PRICKLE1: variants seen among roughly 807,000 people sequenced by gnomAD.
PRICKLE1 encodes the protein prickle planar cell polarity protein 1, also known as prickle-like protein 1.
Under a neutral mutation model 70.2 loss-of-function variants are expected in PRICKLE1, and 14 were observed. The observed-to-expected ratio is 0.20, with a 90% CI of 0.13 to 0.31. The LOEUF (loss-of-function observed/expected upper bound fraction) is 0.31, where lower values mean the gene tolerates loss of function less well. Ranked by LOEUF, PRICKLE1 falls within the 10% of genes least tolerant of loss-of-function variation. PRICKLE1 has a pLI of 1.00. For missense variants in PRICKLE1, 821 were observed against 1,026.2 expected, an observed-to-expected ratio of 0.80 and a Z score of 2.73; for synonymous variants, 357 against 379.9, an observed-to-expected ratio of 0.94 and a Z score of 0.70.
chr12:42,528,711 TG>T (rs1939856748), intron 1 of PRICKLE1, among the ~76,000 whole-genome samples: 2 of 152,206 alleles, frequency 1.3e-5, no homozygotes, highest in African/African-American at 2.4e-5. Flanking sequence ...GTTCAGAATA[TG>T]CCAGTTTGTG....
intron 1 of PRICKLE1, among the ~76,000 whole-genome samples, chr12:42,492,196 G>A (rs905444270): frequency 6.6e-6 from 1 of 152,036 alleles, no homozygotes; most frequent in Non-Finnish European, 1.5e-5. Context: ...CTACCGCCCA[G>A]GCTCAAGTGA....
At chr12:42,587,585 C>T (rs993205730) in intron 1 of PRICKLE1, among the ~76,000 whole-genome samples, 1 of 152,266 alleles carries the variant, frequency 6.6e-6, no homozygotes, top group Non-Finnish European at 1.5e-5. Context: ...ATATCTCCTT[C>T]TGTGTTTCCT....
chr12:42,525,764 C>A (rs1351609828), intron 1 of PRICKLE1, among the ~76,000 whole-genome samples: 1 of 144,212 alleles, frequency 6.9e-6, no homozygotes, highest in East Asian at 2.0e-4. Context: ...TGTCATCTTT[C>A]TGTGCCTCCA....
At chr12:42,558,570 C>A (rs987425556) in intron 1 of PRICKLE1, among the ~76,000 whole-genome samples, 1 of 152,252 alleles carries the variant, frequency 6.6e-6, no homozygotes, top group Non-Finnish European at 1.5e-5. Context: ...GGTCCCCCAG[C>A]TGGCTTTACC....
At chr12:42,485,254 T>C (rs1037798661) in intron 1 of PRICKLE1, 1 of 146,936 alleles carries the variant, frequency 6.8e-6, no homozygotes, top group Non-Finnish European at 1.5e-5. Context: ...TTTTTTTTTT[T>C]TTTTTTTTTT....
intron 1 of PRICKLE1, chr12:42,584,595 C>A (rs1227874742): frequency 6.6e-6 from 1 of 151,950 alleles, no homozygotes; most frequent in Non-Finnish European, 1.5e-5. Context: ...AAAAACATCA[C>A]AGGAAACCAA....
Position 42,466,321 on chromosome 12 carries a change from G to C in PRICKLE1, c.648C>G (p.Phe216Leu), listed in dbSNP as rs1366452897. Reference sequence around the variant, plus strand: ...GGACCGTTTCACACTCAAGGCAGCAGAAGTGTTTCATGTGCCAATGGCGAC... The same window carrying C: ...GGACCGTTTCACACTCAAGGCAGCACAAGTGTTTCATGTGCCAATGGCGAC... Reference protein sequence around the residue: ...AEGRHWHMKHFCCLECETVLG... With the variant: ...AEGRHWHMKHLCCLECETVLG... Residue 216 changes from phenylalanine to leucine, a missense_variant, in exon 6 of 8, where the codon TTC becomes TTG. By Grantham distance (22) the Phe-to-Leu change is conservative. Transcript: ENST00000345127. 6.2e-7 allele frequency: 1 copy of C among 1,614,094 alleles called. No individual in the cohort carries two copies. Among genetic ancestry groups the C allele is most frequent in the South Asian group, 1.1e-5 (1 of 91,084 alleles).
intron 1 of PRICKLE1, among the ~76,000 whole-genome samples, chr12:42,512,663 T>C (rs1939535565): frequency 6.6e-6 from 1 of 152,010 alleles, no homozygotes; most frequent in South Asian, 2.1e-4. Flanking sequence ...TGTAATCATT[T>C]TGTTTTTTGT....
At chr12:42,477,265 G>A (rs997572913) in intron 1 of PRICKLE1, among the ~76,000 whole-genome samples, 3 of 151,538 alleles carry the variant, frequency 2.0e-5, no homozygotes, top group Non-Finnish European at 2.9e-5. Flanking sequence ...CCAGCTACTC[G>A]AGAGGCTGAG....
chr12:42,546,997 T>C (rs1592018471), intron 1 of PRICKLE1, among the ~76,000 whole-genome samples: 2 of 152,220 alleles, frequency 1.3e-5, no homozygotes, highest in Admixed American at 6.5e-5. Flanking sequence ...TCTGACAAAA[T>C]ATACCCCAAG....
chr12:42,474,272 G>A (rs1162034833), intron 1 of PRICKLE1, among the ~76,000 whole-genome samples: 2 of 151,980 alleles, frequency 1.3e-5, no homozygotes, highest in South Asian at 2.1e-4. Context: ...ACTCCGTCTC[G>A]AAAAAAATAA....
chr12:42,495,757 T>G (rs1394066702), intron 1 of PRICKLE1, among the ~76,000 whole-genome samples: 1 of 150,862 alleles, frequency 6.6e-6, no homozygotes, highest in Non-Finnish European at 1.5e-5. Flanking sequence ...CCCTGCTAAT[T>G]TTTTTTTTGT....
At chr12:42,477,392 T>C (rs933000254) in intron 1 of PRICKLE1, among the ~76,000 whole-genome samples, 3 of 146,806 alleles carry the variant, frequency 2.0e-5, no homozygotes, top group Admixed American at 6.8e-5. Context: ...CAAAACAAAA[T>C]ATATATATAT....
chr12:42,560,433 C>A (rs1487255829), intron 1 of PRICKLE1, among the ~76,000 whole-genome samples: 1 of 152,068 alleles, frequency 6.6e-6, no homozygotes, highest in South Asian at 2.1e-4. Context: ...CACACCCAGC[C>A]TCCTTTAATT....
chr12:42,563,081 G>T (rs1229054892), intron 1 of PRICKLE1, among the ~76,000 whole-genome samples: 1 of 151,940 alleles, frequency 6.6e-6, no homozygotes, highest in Non-Finnish European at 1.5e-5. Context: ...TACACAGGAG[G>T]CTGAGGCAGG....
chr12:42,464,801 A>G lies in PRICKLE1; in HGVS notation c.1233T>C (p.His411=). 3.7e-6 allele frequency: 6 copies of G among 1,614,016 alleles called. No individual in the cohort carries two copies. The South Asian group carries it at 6.6e-5, about 18-fold the overall frequency. ...TPEDPEEWAD[H]EDYMTQLLLK... ...GGAGGAGCTGCGTCATATAATCTTC[A>G]TGATCAGCCCATTCTTCAGGGTCTT... The change falls in exon 7 of 8, where the codon CAT becomes CAC. Residue 411 remains histidine, a synonymous_variant. Coordinates refer to ENST00000345127, the MANE Select transcript of PRICKLE1 (RefSeq NM_153026.3). This position sits in a 1 kb window ranked among gnomAD's most constrained non-coding sequence, Gnocchi z 4.2.
Position 42,564,997 on chromosome 12 carries a change from T to C in PRICKLE1, c.-49+24468A>G, listed in dbSNP as rs887442584. ...CAAAGATTCCTAAAAAGAGTTAACA[T>C]AGATATCACATGTTTAAAAACATTA... is the stretch of plus-strand genomic sequence containing the variant. On this transcript the variant is annotated intron_variant, in intron 1 of 7. Transcript: ENST00000345127. 4.1e-4 allele frequency among the ~76,000 whole-genome samples: 63 copies of C among 152,378 alleles called. 1 individual carries two copies. The highest frequency in any genetic ancestry group is 1.5e-3 in the African/African-American group (63 of 41,596).
intron 5 of PRICKLE1, among the ~76,000 whole-genome samples, chr12:42,467,176 C>T (rs142260280): frequency 1.2e-3 from 176 of 151,990 alleles, no homozygotes; most frequent in African/African-American, 4.1e-3. Flanking sequence ...AGTGCAATGG[C>T]GTGACCTCGG....
intron 1 of PRICKLE1, among the ~76,000 whole-genome samples, chr12:42,526,338 T>C (rs1242031112): frequency 1.3e-5 from 2 of 151,978 alleles, no homozygotes; most frequent in African/African-American, 2.4e-5. Context: ...AGTTACAGAA[T>C]GGAGGTATGA....
Sources: allele counts gnomAD v4.1 joint callset (sites outside exome capture counted in the v4.1 genomes callset), GRCh38; gene constraint gnomAD v4.1.1; non-coding constraint Gnocchi (gnomAD v3.1); transcripts MANE v1.5; gene names NCBI Gene and HGNC (gene_info 2026-07-23, HGNC 2026-07-21).